The following GRHL1 variants were observed in gnomAD, a reference collection of about 807,000 sequenced individuals.
GRHL1 encodes the protein grainyhead like transcription factor 1.
GRHL1 carries 38 observed loss-of-function variants against 75.7 expected under a neutral mutation model. The observed-to-expected ratio is 0.50, with a 90% CI of 0.39 to 0.66. The LOEUF is 0.66. Ranked by LOEUF, GRHL1 falls within the 30% of genes least tolerant of loss-of-function variation. The pLI is 0.00. For synonymous variants in GRHL1, 266 were observed against 279.4 expected (o/e 0.95, Z 0.48); for missense variants, 589 against 767.5 (o/e 0.77, Z 2.75).
At chr2:9,962,384 T>C in intron 4 of GRHL1, 71 bp from the exon 5 acceptor site, 1 of 840,230 alleles carries the variant, frequency 1.2e-6, no homozygotes, top group Non-Finnish European at 2.1e-6. Flanking sequence ...TTTTATGCGG[T>C]ACCAGAGCTT....
chr2:9,953,054 G>A, intron 1 of GRHL1: 1 of 456,752 alleles, frequency 2.2e-6, no homozygotes, highest in Non-Finnish European at 4.4e-6. Context: ...ACTAAGAAAG[G>A]CAACTGGTTT....
At chr2:9,965,411 C>A in intron 8 of GRHL1, 30 bp downstream of exon 8, 1 of 1,200,490 alleles carries the variant, frequency 8.3e-7, no homozygotes, top group Non-Finnish European at 1.2e-6. Flanking sequence ...CGCCTTATGT[C>A]CAGCCATTTG....
intron 14 of GRHL1, 88 bp from the exon 15 acceptor site, chr2:9,998,875 TAC>T (rs555195912): frequency 4.3e-6 from 1 of 231,908 alleles, no homozygotes; most frequent in Non-Finnish European, 7.1e-6. Context: ...TATATATATG[TAC>T]ACATATATAT....
Position 9,954,939 on chromosome 2 carries a change from G to C in GRHL1, c.45G>C (p.Gln15His). ...YDNKRPVLVL[Q>H]NEALYPQRRS... Reference sequence around the variant, plus strand: ...GCAAACGGCCAGTGTTGGTTCTTCAGAATGAAGCACTTTATCCACAGCGGC... The same window carrying C: ...GCAAACGGCCAGTGTTGGTTCTTCACAATGAAGCACTTTATCCACAGCGGC... The change falls in exon 2 of 16, where the codon CAG (glutamine) becomes CAC (histidine). Residue 15 changes from glutamine (Q) to histidine (H), a missense_variant. Gln to His is a conservative substitution (Grantham distance 24). Around this residue, in one of 5 missense-constraint regions of GRHL1, gnomAD observed 362 missense variants for 461.8 expected, o/e 0.78. Coordinates refer to ENST00000324907, the MANE Select transcript of GRHL1 (RefSeq NM_198182.3). The C allele has an allele frequency of 6.2e-7, 1 of 1,613,594 alleles. No homozygotes were observed. Among genetic ancestry groups the C allele is most frequent in the Non-Finnish European group, 8.5e-7 (1 of 1,179,604 alleles).
Position 9,954,945 on chromosome 2 carries a change from A to G in GRHL1, c.51A>G (p.Glu17=), listed in dbSNP as rs2125201232. 6.2e-7 allele frequency: 1 copy of G among 1,613,812 alleles called. No individual in the cohort carries two copies. Among genetic ancestry groups the G allele is most frequent in the East Asian group, 2.2e-5 (1 of 44,880 alleles). ...NKRPVLVLQN[E]ALYPQRRSYT... ...GGCCAGTGTTGGTTCTTCAGAATGA[A>G]GCACTTTATCCACAGCGGCGGTCCT... Residue 17 remains glutamate, a synonymous_variant, in exon 2 of 16, where the codon GAA becomes GAG. Coordinates refer to ENST00000324907, the MANE Select transcript of GRHL1 (RefSeq NM_198182.3).
At chr2:9,994,395 C>T (rs1668767989) in intron 12 of GRHL1, among the ~76,000 whole-genome samples, 1 of 151,698 alleles carries the variant, frequency 6.6e-6, no homozygotes, top group East Asian at 1.9e-4. Flanking sequence ...CTCAGCCTCC[C>T]TCTTTCTGTT....
intron 7 of GRHL1, chr2:9,964,650 A>G (rs1667413268): frequency 8.2e-6 from 2 of 244,498 alleles, no homozygotes; most frequent in Non-Finnish European, 1.6e-5. Context: ...AAGGGGTAAT[A>G]TCTTCTTTAA....
intron 12 of GRHL1, among the ~76,000 whole-genome samples, chr2:9,993,546 ATCT>A (rs1323936413): frequency 6.6e-6 from 1 of 152,206 alleles, no homozygotes; most frequent in Admixed American, 6.5e-5. Context: ...ATGTTTGTTG[ATCT>A]TCTTCAGTCT....
chr2:9,954,261 T>C (rs778342073), intron 1 of GRHL1, among the ~76,000 whole-genome samples: 1 of 152,226 alleles, frequency 6.6e-6, no homozygotes, highest in Non-Finnish European at 1.5e-5. Context: ...ATCTCTAAGA[T>C]AAACAGTTAA....
intron 12 of GRHL1, among the ~76,000 whole-genome samples, chr2:9,995,582 C>T (rs1291013527): frequency 2.3e-5 from 3 of 129,366 alleles, no homozygotes; most frequent in African/African-American, 9.2e-5. Flanking sequence ...GAGACCCTGT[C>T]TCACAAAAAA....
intron 8 of GRHL1, among the ~76,000 whole-genome samples, chr2:9,982,451 ATC>A (rs1668241057): frequency 6.6e-6 from 1 of 152,216 alleles, no homozygotes; most frequent in South Asian, 2.1e-4. Context: ...TGAAATCAGA[ATC>A]TCTGGGGTGT....
At chr2:9,960,803 T>C (rs900993710) in intron 3 of GRHL1, 9 of 449,120 alleles carry the variant, frequency 2.0e-5, no homozygotes, top group Non-Finnish European at 2.8e-5. Flanking sequence ...TAAAGCTTGT[T>C]AGAGGAGAGC....
chr2:9,983,146 C>G (rs1668269367), intron 8 of GRHL1, among the ~76,000 whole-genome samples: 2 of 152,190 alleles, frequency 1.3e-5, no homozygotes, highest in Admixed American at 6.5e-5. Flanking sequence ...TACCTGGGAT[C>G]CTTTCCTAAG....
intron 8 of GRHL1, 43 bp from the exon 9 acceptor site, chr2:9,986,081 A>T (rs2125236095): frequency 6.6e-7 from 1 of 1,507,326 alleles, no homozygotes; most frequent in East Asian, 2.4e-5. Context: ...GCTAGGTTTG[A>T]CTTGGTGCCT....
intron 8 of GRHL1, among the ~76,000 whole-genome samples, chr2:9,969,410 C>G (rs1248463090): frequency 6.6e-6 from 1 of 152,136 alleles, no homozygotes; most frequent in Non-Finnish European, 1.5e-5. Flanking sequence ...TCTGAGGAAG[C>G]TAAACTCTAG....
chr2:9,958,370 G>A (rs983736807), intron 2 of GRHL1, among the ~76,000 whole-genome samples: 9 of 151,952 alleles, frequency 5.9e-5, no homozygotes, highest in Admixed American at 5.2e-4. Context: ...TTGTAGAAAT[G>A]AGTTTCACTG....
At chr2:9,984,749 T>C (rs1668347537) in intron 8 of GRHL1, among the ~76,000 whole-genome samples, 1 of 152,034 alleles carries the variant, frequency 6.6e-6, no homozygotes, top group Non-Finnish European at 1.5e-5. Flanking sequence ...CCTACTGCAC[T>C]TGGAAGTCAT....
At chr2:9,980,087 G>T (rs1340848464) in intron 8 of GRHL1, among the ~76,000 whole-genome samples, 5 of 152,018 alleles carry the variant, frequency 3.3e-5, no homozygotes, top group Non-Finnish European at 7.4e-5. Flanking sequence ...TTGATTCTCA[G>T]TTACTTTCCC....
chr2:9,969,005 T>G (rs1667599670), intron 8 of GRHL1, among the ~76,000 whole-genome samples: 1 of 152,210 alleles, frequency 6.6e-6, no homozygotes. Flanking sequence ...GGAACGCAAT[T>G]TATAAATTGG....
Sources: gnomAD v4.1 joint callset for allele counts (sites outside exome capture counted in the v4.1 genomes callset) on GRCh38, gnomAD v4.1.1 for gene constraint, gnomAD v4.1.1 regional missense constraint, MANE v1.5 for transcripts, NCBI Gene and HGNC (gene_info 2026-07-23, HGNC 2026-07-21) for gene names.